CHD6: variants seen among roughly 807,000 people sequenced by gnomAD.
CHD6 encodes ATP-dependent chromatin remodeler CHD6.
A neutral mutation model predicts 276.9 loss-of-function variants in CHD6; 50 were observed. The observed-to-expected ratio is 0.18, with a 90% CI of 0.14 to 0.23. The LOEUF is 0.23. Among genes scored for constraint, CHD6 ranks in the 10% least tolerant of loss-of-function variants. The pLI is 1.00. For synonymous variants in CHD6, 1,173 were observed against 1,229.3 expected, an observed-to-expected ratio of 0.95 and a Z score of 0.96; for missense variants, 2,564 against 3,365.8, an observed-to-expected ratio of 0.76 and a Z score of 5.89.
intron 1 of CHD6, among the ~76,000 whole-genome samples, chr20:41,592,449 C>G (rs1007534184): frequency 5.9e-5 from 9 of 152,050 alleles, no homozygotes; most frequent in African/African-American, 2.2e-4. Flanking sequence ...TAGTTTTCCT[C>G]AAAAATAAGT....
chr20:41,413,205 AC>A, intron 35 of CHD6, 118 bp downstream of exon 35: 1 of 700,208 alleles, frequency 1.4e-6, no homozygotes, highest in East Asian at 2.8e-5. Context: ...TTGTCAGCTG[AC>A]AGATTTCTCC....
At chr20:41,442,934 C>G (rs1186898758) in intron 25 of CHD6, among the ~76,000 whole-genome samples, 2 of 152,204 alleles carry the variant, frequency 1.3e-5, no homozygotes, top group Non-Finnish European at 2.9e-5. Flanking sequence ...GCAGAGTCTG[C>G]ATTTATGGCT....
rs770983779 is a variant in CHD6, at chr20:41,417,182, G to A, written c.6279+16C>T. On this transcript the variant is annotated intron_variant, in intron 32 of 36. Coordinates refer to ENST00000373233, the MANE Select transcript of CHD6 (RefSeq NM_032221.5). ...ATGGTTTGGGGGTAGGGTGGGAAAC[G>A]CAAGCTCTGGGGTACCTTTGGCCAC... 4 of 1,601,228 alleles carry A rather than the reference G, an allele frequency of 2.5e-6. No individual in the cohort carries two copies. Among genetic ancestry groups the A allele is most frequent in the Non-Finnish European group, 3.4e-6 (4 of 1,173,424 alleles).
intron 29 of CHD6, among the ~76,000 whole-genome samples, chr20:41,424,149 C>T (rs17191392): frequency 0.031 from 4,661 of 152,278 alleles, 115 homozygotes; most frequent in Non-Finnish European, 0.045. Flanking sequence ...AATTCAACCT[C>T]CTTATCTTAC....
At position 41,404,552 on chromosome 20, in the gene CHD6, G is replaced by A; in HGVS notation, c.*41C>T. ...GAAGTAACAAACCTTTATGGGATAA[G>A]AAACTTACAAGTCACAATAATTTCT... On this transcript the variant is annotated 3_prime_UTR_variant, in exon 37 of 37. Transcript: ENST00000373233. 6.8e-7 allele frequency: 1 copy of A among 1,469,722 alleles called. No homozygotes were observed. Among genetic ancestry groups the A allele is most frequent in the Non-Finnish European group, 9.0e-7 (1 of 1,109,000 alleles). The allele number at this position is 1,469,722 out of a possible 1,614,324, so 91.0% of individuals were successfully genotyped here. A position where few individuals can be genotyped will look rare whatever the true frequency, so the allele number is the denominator to read the frequency against.
Position 41,420,960 on chromosome 20 carries a change from T to G in CHD6, c.5675A>C (p.His1892Pro). 2 of 1,614,258 alleles carry G rather than the reference T, an allele frequency of 1.2e-6. No individual in the cohort carries two copies. The highest frequency in any genetic ancestry group is 1.7e-6 in the Non-Finnish European group (2 of 1,180,038). The change falls in exon 31 of 37, where the codon CAT becomes CCT. Residue 1892 changes from histidine (H) to proline (P), a missense_variant. By Grantham distance (77) the His-to-Pro change is moderately conservative. Coordinates refer to ENST00000373233, the MANE Select transcript of CHD6 (RefSeq NM_032221.5). ...GATGTTAGTAGTGGGCTCCGTGAGA[T>G]GCAATACCTCTGGCCTTTCCCCCAT... ...VGMGERPEVL[H>P]LTEPTTNISR... is the part of the protein sequence containing the mutation.
At chr20:41,541,326 A>G (rs946780983) in intron 2 of CHD6, among the ~76,000 whole-genome samples, 13 of 152,344 alleles carry the variant, frequency 8.5e-5, no homozygotes, top group African/African-American at 2.9e-4. Flanking sequence ...ATTTCAATCT[A>G]TCTCTACTGA....
Position 41,421,741 on chromosome 20 carries a change from G to C in CHD6, c.4894C>G (p.Leu1632Val), listed in dbSNP as rs1288190349. The C allele has an allele frequency of 6.2e-7, 1 of 1,614,096 alleles. No individual in the cohort carries two copies. Among genetic ancestry groups the C allele is most frequent in the African/African-American group, 1.3e-5 (1 of 74,924 alleles). ...GTQAPGNLCCLYQTNSKLYES... is the reference protein window; with the variant it reads ...GTQAPGNLCCVYQTNSKLYES... ...TATAACTTGGAGTTGGTCTGGTAAA[G>C]GCAACAGAGATTTCCTGGTGCCTGG... The change falls in exon 31 of 37, where the codon CTT becomes GTT. Residue 1632 changes from leucine (L) to valine (V), a missense_variant. Around this residue, in one of 7 missense-constraint regions of CHD6, gnomAD observed 1,024 missense variants for 1,047.9 expected, o/e 0.98. Coordinates refer to ENST00000373233, the MANE Select transcript of CHD6 (RefSeq NM_032221.5).
chr20:41,437,189 G>A (rs746785524), intron 27 of CHD6, 85 bp downstream of exon 27: 37 of 1,027,574 alleles, frequency 3.6e-5, no homozygotes, highest in Non-Finnish European at 5.6e-5. Context: ...ATGCAATCAA[G>A]TTCCCCCAGA....
chr20:41,612,561 T>G (rs1304346868), intron 1 of CHD6, among the ~76,000 whole-genome samples: 4 of 152,244 alleles, frequency 2.6e-5, no homozygotes, highest in Non-Finnish European at 5.9e-5. Flanking sequence ...CTGCCAGCAG[T>G]GCAAGAATTT....
intron 3 of CHD6, among the ~76,000 whole-genome samples, chr20:41,522,390 ACG>A (rs55967559): frequency 0.47 from 70,862 of 151,800 alleles, 17,856 homozygotes; most frequent in African/African-American, 0.67. Context: ...TTTGTAACCA[ACG>A]TAGAAAAGAT....
In CHD6 at chr20:41,418,053, G is replaced by A. The variant is rs1045002487; in HGVS notation, c.6128-704C>T. ...CTCTTTCTTGGTTAAATGACAAGGA[G>A]CATCCATCCTTTGAAATGTGGCTAT... On this transcript the variant is annotated intron_variant, in intron 31 of 36. Transcript: ENST00000373233. Among the ~76,000 whole-genome samples the A allele has an allele frequency of 4.6e-5, 7 of 152,216 alleles. No homozygotes were observed. In the East Asian group the frequency reaches 1.3e-3, roughly 29 times the overall value.
intron 2 of CHD6, among the ~76,000 whole-genome samples, chr20:41,538,308 G>T (rs773620368): frequency 6.6e-6 from 1 of 152,018 alleles, no homozygotes; most frequent in Non-Finnish European, 1.5e-5. Flanking sequence ...CTGAGATCGC[G>T]CCACTGTACT....
chr20:41,406,736 C>T (rs964881835), intron 36 of CHD6, among the ~76,000 whole-genome samples: 1 of 152,206 alleles, frequency 6.6e-6, no homozygotes, highest in African/African-American at 2.4e-5. Flanking sequence ...CCCTGGAGAA[C>T]TGCATGCCTT....
intron 17 of CHD6, among the ~76,000 whole-genome samples, chr20:41,468,271 G>T (rs1338374610): frequency 6.6e-6 from 1 of 151,984 alleles, no homozygotes; most frequent in East Asian, 1.9e-4. Context: ...CCCGACGCCT[G>T]GCTAATTTTT....
intron 2 of CHD6, among the ~76,000 whole-genome samples, chr20:41,537,655 G>C (rs2044861579): frequency 6.6e-6 from 1 of 151,998 alleles, no homozygotes; most frequent in Non-Finnish European, 1.5e-5. Context: ...TAATAAAAAA[G>C]AACCAAATTC....
chr20:41,415,417 G>A lies in CHD6; in HGVS notation c.6708C>T (p.Ser2236=), dbSNP rs951814095. ...SPGATSPFPV[S]ASTPKIGAIS... is the part of the protein sequence containing the mutation. ...TAGCCCCAATCTTAGGGGTGCTGGC[G>A]CTCACTGGGAAAGGGGATGTGGCTC... The change falls in exon 34 of 37, where the codon AGC becomes AGT. Residue 2236 remains serine, a synonymous_variant. Coordinates refer to ENST00000373233, the MANE Select transcript of CHD6 (RefSeq NM_032221.5). The A allele has an allele frequency of 3.7e-6, 6 of 1,612,612 alleles. No individual in the cohort carries two copies. Among genetic ancestry groups the A allele is most frequent in the East Asian group, 2.2e-5 (1 of 44,866 alleles).
chr20:41,474,363 A>C (rs919354016), intron 16 of CHD6, among the ~76,000 whole-genome samples: 8 of 152,208 alleles, frequency 5.3e-5, no homozygotes, highest in African/African-American at 1.9e-4. Context: ...GGAAAACAGA[A>C]GAGACCTTTA....
At chr20:41,614,202 A>G (rs1019752465) in intron 1 of CHD6, among the ~76,000 whole-genome samples, 1 of 152,176 alleles carries the variant, frequency 6.6e-6, no homozygotes, top group African/African-American at 2.4e-5. Flanking sequence ...TTATTTAGAA[A>G]ATTCAAATAT....
Sources: allele counts gnomAD v4.1 joint callset (sites outside exome capture counted in the v4.1 genomes callset), GRCh38; gene constraint gnomAD v4.1.1; regional missense constraint gnomAD v4.1.1; transcripts MANE v1.5; gene names NCBI Gene and HGNC (gene_info 2026-07-23, HGNC 2026-07-21).